The following MBD3L1 variants were observed in gnomAD, a reference collection of about 807,000 sequenced individuals.
MBD3L1 encodes the protein methyl-CpG-binding domain protein 3-like 1.
For missense variants in MBD3L1, 203 were observed against 230.1 expected, an observed-to-expected ratio of 0.88 and a Z score of 0.76; for synonymous variants, 84 against 85.1, an observed-to-expected ratio of 0.99 and a Z score of 0.07.
rs542318207 is a variant in MBD3L1, at chr19:8,838,252, C to CAAAA, written c.-106-2635_-106-2632dup. Among the ~76,000 whole-genome samples the CAAAA allele has an allele frequency of 5.5e-3, 65 of 11,832 alleles. 14 individuals are homozygous for CAAAA. The highest frequency in any genetic ancestry group is 0.012 in the African/African-American group (49 of 4,044). 7.8% of individuals were successfully genotyped at this position (11,832 alleles called of 152,430 possible). Reference sequence around the variant, plus strand: ...TGGACGACAGAGCAAGACTCCATCTCAAAAAAAAAAAAAAAAAAAAAAAAA... The same window carrying CAAAA: ...TGGACGACAGAGCAAGACTCCATCTCAAAAAAAAAAAAAAAAAAAAAAAAAAAAA... On this transcript the variant is annotated intron_variant, in intron 1 of 2. Transcript: ENST00000595891.
At chr19:8,839,001 CTTG>C (rs983869141) in intron 1 of MBD3L1, among the ~76,000 whole-genome samples, 6 of 152,090 alleles carry the variant, frequency 3.9e-5, no homozygotes, top group African/African-American at 1.4e-4. Context: ...GGGCCCTTTC[CTTG>C]TTGTTGGTTA....
In MBD3L1 at chr19:8,843,027, T is replaced by C. The variant is rs1260809690; in HGVS notation, c.349T>C (p.Cys117Arg). 1 of 1,614,180 alleles carries C rather than the reference T, an allele frequency of 6.2e-7. No individual in the cohort carries two copies. The highest frequency in any genetic ancestry group is 1.7e-5 in the Admixed American group (1 of 60,028). Residue 117 changes from cysteine to arginine, a missense_variant, in exon 3 of 3, where the codon TGC becomes CGC. Coordinates refer to ENST00000595891, the MANE Select transcript of MBD3L1 (RefSeq NM_001393532.1). ...EDLASGLEHS[C>R]PMPHLACSSD... ...TCTTGCCAGTGGTCTGGAGCACTCC[T>C]GCCCCATGCCCCACCTTGCCTGCTC...
At position 8,842,656 on chromosome 19, in the gene MBD3L1, A is replaced by G; in HGVS notation, c.-21-2A>G. On this transcript the variant is annotated splice_acceptor_variant, in intron 2 of 2. Coordinates refer to ENST00000595891, the MANE Select transcript of MBD3L1 (RefSeq NM_001393532.1). LOFTEE classifies it low-confidence loss of function (5UTR_SPLICE). ...ACCCCATTTCATGATTTATTTTAAT[A>G]GTGTAAGAGGAAAAGAAGTGTGATG... 6.3e-7 allele frequency: 1 copy of G among 1,587,170 alleles called. No homozygotes were observed. The highest frequency in any genetic ancestry group is 8.6e-7 in the Non-Finnish European group (1 of 1,160,408).
At chr19:8,839,185 CTTTTTTTT>C (rs57499698) in intron 1 of MBD3L1, among the ~76,000 whole-genome samples, 1 of 122,128 alleles carries the variant, frequency 8.2e-6, no homozygotes, top group Admixed American at 9.2e-5. Context: ...CTTTTCTTTT[CTTTTTTTT>C]TTTTTTTTTG....
rs2044528347 is a variant in MBD3L1, at chr19:8,843,007, C to A, written c.329C>A (p.Ala110Asp). The change falls in exon 3 of 3, where the codon GCC (alanine) becomes GAC (aspartate). Residue 110 changes from alanine to aspartate, a missense_variant. Transcript: ENST00000595891. ...GGTGGATCTCTGCTGGAGGATCTTG[C>A]CAGTGGTCTGGAGCACTCCTGCCCC... ...YTGGSLLEDL[A>D]SGLEHSCPMP... 1 of 1,614,200 alleles carries A rather than the reference C, an allele frequency of 6.2e-7. No homozygotes were observed. Among genetic ancestry groups the A allele is most frequent in the Non-Finnish European group, 8.5e-7 (1 of 1,180,032 alleles).
chr19:8,839,675 C>T (rs185461435), intron 1 of MBD3L1, among the ~76,000 whole-genome samples: 59 of 151,950 alleles, frequency 3.9e-4, no homozygotes, highest in Admixed American at 3.1e-3. Context: ...CAGCTGAGAA[C>T]GGTGAAGGAA....
chr19:8,836,945 AAAC>A (rs1453638509), intron 1 of MBD3L1, among the ~76,000 whole-genome samples: 1 of 152,246 alleles, frequency 6.6e-6, no homozygotes, highest in African/African-American at 2.4e-5. Flanking sequence ...AAGCCAGTAA[AAAC>A]ATCATCAAAG....
At chr19:8,834,652 A>G (rs1241790115) in intron 1 of MBD3L1, among the ~76,000 whole-genome samples, 1 of 151,716 alleles carries the variant, frequency 6.6e-6, no homozygotes, top group Non-Finnish European at 1.5e-5. Context: ...AAAAAAACCA[A>G]CCAACCAAGA....
At chr19:8,838,139 T>G (rs976586926) in intron 1 of MBD3L1, among the ~76,000 whole-genome samples, 2 of 150,194 alleles carry the variant, frequency 1.3e-5, no homozygotes, top group Non-Finnish European at 3.0e-5. Context: ...TCCCAGCTAC[T>G]CAGGAGGCTG....
intron 1 of MBD3L1, 29 bp from the exon 2 acceptor site, chr19:8,840,886 G>A (rs1329783705): frequency 1.3e-5 from 2 of 152,086 alleles, no homozygotes; most frequent in Non-Finnish European, 2.9e-5. Context: ...GCACTAAGAC[G>A]TCATGTCACG....
chr19:8,835,981 G>A (rs2044451149), intron 1 of MBD3L1, among the ~76,000 whole-genome samples: 1 of 152,122 alleles, frequency 6.6e-6, no homozygotes, highest in African/African-American at 2.4e-5. Context: ...AGAGACAATA[G>A]ATTAGTGGCA....
In MBD3L1 at chr19:8,842,797, C is replaced by T. The variant is rs373405969; in HGVS notation, c.119C>T (p.Thr40Met). 36 of 1,614,016 alleles carry T rather than the reference C, an allele frequency of 2.2e-5. No individual in the cohort carries two copies. The highest frequency in any genetic ancestry group is 3.3e-4 in the Middle Eastern group (2 of 6,084). The change falls in exon 3 of 3, where the codon ACG (threonine) becomes ATG (methionine). Residue 40 changes from threonine to methionine, a missense_variant. Thr to Met is a moderately conservative substitution (Grantham distance 81). Coordinates refer to ENST00000595891, the MANE Select transcript of MBD3L1 (RefSeq NM_001393532.1). ...MSSYTFKRPV[T>M]RITPHPGNEV... is the part of the protein sequence containing the mutation. Reference sequence around the variant, plus strand: ...AGTTACACATTCAAGAGGCCAGTAACGAGAATTACACCCCATCCTGGCAAT... The same window carrying T: ...AGTTACACATTCAAGAGGCCAGTAATGAGAATTACACCCCATCCTGGCAAT...
At position 8,834,553 on chromosome 19, in the gene MBD3L1, A is replaced by C. The variant is rs145743726; in HGVS notation, c.-107+2031A>C. The stretch of plus-strand genomic sequence containing the variant: ...AACCCAGGAGGTGGAGATTGCAGTG[A>C]GCCGAGATCACCCCACTGCACTCCA... On this transcript the variant is annotated intron_variant, in intron 1 of 2. Coordinates refer to ENST00000595891, the MANE Select transcript of MBD3L1 (RefSeq NM_001393532.1). 2.8e-3 allele frequency among the ~76,000 whole-genome samples: 426 copies of C among 151,102 alleles called. 2 individuals carry two copies. Among genetic ancestry groups the C allele is most frequent in the African/African-American group, 8.5e-3 (349 of 41,228 alleles).
intron 1 of MBD3L1, 85 bp from the exon 2 acceptor site, chr19:8,840,830 T>C (rs1268133149): frequency 1.3e-5 from 2 of 152,118 alleles, no homozygotes; most frequent in African/African-American, 2.4e-5. Context: ...TTTCTACGCA[T>C]GATGGATTCT....
At position 8,843,187 on chromosome 19, in the gene MBD3L1, T is replaced by C; in HGVS notation, c.509T>C (p.Ile170Thr). 4 of 1,613,506 alleles carry C rather than the reference T, an allele frequency of 2.5e-6. No individual in the cohort carries two copies. The highest frequency in any genetic ancestry group is 3.4e-6 in the Non-Finnish European group (4 of 1,179,836). Residue 170 changes from isoleucine to threonine, a missense_variant, in exon 3 of 3, where the codon ATA (isoleucine) becomes ACA (threonine). By Grantham distance (89) the Ile-to-Thr change is moderately conservative (BLOSUM62 -1). Coordinates refer to ENST00000595891, the MANE Select transcript of MBD3L1 (RefSeq NM_001393532.1). The part of the protein sequence containing the change: ...KVKTVRERLA[I>T]ALIADGLANE... Reference sequence around the variant, plus strand: ...AAGACAGTCAGAGAGAGACTCGCAATAGCACTGATTGCGGATGGACTCGCT... The same window carrying C: ...AAGACAGTCAGAGAGAGACTCGCAACAGCACTGATTGCGGATGGACTCGCT...
At chr19:8,840,716 G>T (rs959696053) in intron 1 of MBD3L1, among the ~76,000 whole-genome samples, 199 bp from the exon 2 acceptor site, 1 of 152,180 alleles carries the variant, frequency 6.6e-6, no homozygotes, top group African/African-American at 2.4e-5. Flanking sequence ...AAGTTAAGGA[G>T]AATTAAATAT....
At position 8,843,042 on chromosome 19, in the gene MBD3L1, C is replaced by T. The variant is rs868257194; in HGVS notation, c.364C>T (p.Leu122Phe). ...GLEHSCPMPH[L>F]ACSSDAVEII... ...GGAGCACTCCTGCCCCATGCCCCAC[C>T]TTGCCTGCTCTTCAGATGCGGTGGA... The change falls in exon 3 of 3, where the codon CTT becomes TTT. Residue 122 changes from leucine to phenylalanine, a missense_variant. Transcript: ENST00000595891. 5 of 1,614,144 alleles carry T rather than the reference C, an allele frequency of 3.1e-6. No homozygotes were observed. Among genetic ancestry groups the T allele is most frequent in the Middle Eastern group, 3.3e-4 (2 of 6,062 alleles).
rs751637467 is a variant in MBD3L1 at position 8,843,099 on chromosome 19, C to A, written c.421C>A (p.Gln141Lys). Reference sequence around the variant, plus strand: ...TCCTGCAGAGGGAGTGGGTATCTCGCAGCTCCTCTGCAAACAATTTCTGGT... The same window carrying A: ...TCCTGCAGAGGGAGTGGGTATCTCGAAGCTCCTCTGCAAACAATTTCTGGT... ...IIPAEGVGIS[Q>K]LLCKQFLVTE... The change falls in exon 3 of 3, where the codon CAG becomes AAG. Residue 141 changes from glutamine to lysine, a missense_variant. Transcript: ENST00000595891. 1 of 1,613,812 alleles carries A rather than the reference C, an allele frequency of 6.2e-7. No individual in the cohort carries two copies. Among genetic ancestry groups the A allele is most frequent in the Non-Finnish European group, 8.5e-7 (1 of 1,179,850 alleles).
At chr19:8,838,283 A>AAAAAAAAAAAT (rs2044476287) in intron 1 of MBD3L1, among the ~76,000 whole-genome samples, 1 of 147,486 alleles carries the variant, frequency 6.8e-6, no homozygotes, top group Non-Finnish European at 1.5e-5. Flanking sequence ...AAAAAAAAAA[A>AAAAAAAAAAAT]GATCAGCAGC....
Sources: allele counts gnomAD v4.1 joint callset (sites outside exome capture counted in the v4.1 genomes callset), GRCh38; gene constraint gnomAD v4.1.1; transcripts MANE v1.5; gene names NCBI Gene and HGNC (gene_info 2026-07-23, HGNC 2026-07-21).